DIAPH1: variants seen among roughly 807,000 people sequenced by gnomAD.
The protein encoded by DIAPH1 is protein diaphanous homolog 1.
In DIAPH1, 46 loss-of-function variants were observed where a neutral mutation model predicts 140.7. That is an observed-to-expected ratio of 0.33 (90% CI 0.26 to 0.42). DIAPH1 has a LOEUF of 0.42. DIAPH1 is among the 10% of genes least tolerant of loss of function. The probability of loss-of-function intolerance (pLI) is 1.00; values close to 1 mark genes in which losing one functional copy is unlikely to be tolerated. For synonymous variants in DIAPH1, 565 were observed against 551.6 expected (o/e 1.02, Z -0.34); for missense variants, 1,310 against 1,558.7 (o/e 0.84, Z 2.69).
chr5:141,531,026 T>C (rs943668633), intron 19 of DIAPH1, among the ~76,000 whole-genome samples: 3 of 152,214 alleles, frequency 2.0e-5, no homozygotes, highest in African/African-American at 2.4e-5. Context: ...TTTCACTTTA[T>C]AGCAATCTAA....
At chr5:141,573,371 C>T in intron 16 of DIAPH1, 121 bp downstream of exon 16, 1 of 1,246,024 alleles carries the variant, frequency 8.0e-7, no homozygotes, top group Non-Finnish European at 1.1e-6. Flanking sequence ...GGAGGCGGAG[C>T]TTGCAGTGAG....
intron 18 of DIAPH1, among the ~76,000 whole-genome samples, chr5:141,566,573 T>G (rs970484660): frequency 3.3e-4 from 50 of 152,252 alleles, no homozygotes; most frequent in African/African-American, 1.1e-3. Flanking sequence ...CCAAGCCCAC[T>G]GGGGTGAGGT....
At chr5:141,615,604 G>T (rs565387876) in intron 1 of DIAPH1, among the ~76,000 whole-genome samples, 1 of 151,990 alleles carries the variant, frequency 6.6e-6, no homozygotes, top group Non-Finnish European at 1.5e-5. Flanking sequence ...TTAGCCAGGC[G>T]TGGTGGCAGG....
intron 18 of DIAPH1, among the ~76,000 whole-genome samples, chr5:141,551,219 G>A (rs2099891635): frequency 6.6e-6 from 1 of 152,206 alleles, no homozygotes; most frequent in Admixed American, 6.5e-5. Context: ...GAAGGCCAAG[G>A]AGGAAGGATC....
intron 26 of DIAPH1, 200 bp from the exon 27 acceptor site, chr5:141,524,429 A>G (rs2099886995): frequency 1.6e-6 from 1 of 633,994 alleles, no homozygotes; most frequent in African/African-American, 1.8e-5. Flanking sequence ...TGGTTAAAAC[A>G]AAAGATCTCA....
At chr5:141,583,399 G>A in intron 5 of DIAPH1, 86 bp downstream of exon 5, 1 of 1,608,394 alleles carries the variant, frequency 6.2e-7, no homozygotes, top group African/African-American at 1.3e-5. Flanking sequence ...CTATTCTCAT[G>A]CTTCCCTGGC....
At chr5:141,615,464 G>A (rs1205971441) in intron 1 of DIAPH1, among the ~76,000 whole-genome samples, 10 of 144,924 alleles carry the variant, frequency 6.9e-5, no homozygotes, top group South Asian at 2.2e-4. Context: ...AAAAAGGGCC[G>A]CACGCGGTGG....
rs1040623975 is a variant in DIAPH1 at position 141,515,141 on chromosome 5, C to T, written c.*1710G>A. ...CATTTTGTCCCTCACACCTCTCTCT[C>T]TCTCTCTTTTTTTTTATTAAATGCA... On this transcript the variant is annotated 3_prime_UTR_variant, in exon 28 of 28. Transcript: ENST00000389054. The T allele has an allele frequency of 1.3e-5, 2 of 152,594 alleles. No individual in the cohort carries two copies. The highest frequency in any genetic ancestry group is 2.4e-5 in the African/African-American group (1 of 41,430). 9.5% of individuals were successfully genotyped at this position (152,594 alleles called of 1,614,324 possible). A position where few individuals can be genotyped will look rare whatever the true frequency, so the allele number is the denominator to read the frequency against.
At chr5:141,592,922 CCTT>C (rs2099898719) in intron 1 of DIAPH1, among the ~76,000 whole-genome samples, 1 of 152,136 alleles carries the variant, frequency 6.6e-6, no homozygotes. Context: ...TAATTTCTCT[CCTT>C]CTTGAAACCT....
intron 18 of DIAPH1, among the ~76,000 whole-genome samples, chr5:141,569,269 G>C (rs962006094): frequency 1.3e-5 from 2 of 152,022 alleles, no homozygotes; most frequent in Non-Finnish European, 2.9e-5. Flanking sequence ...ATACAGTTTG[G>C]AAAAAGTTAT....
At chr5:141,590,149 C>T (rs1161476063) in intron 1 of DIAPH1, among the ~76,000 whole-genome samples, 1 of 152,176 alleles carries the variant, frequency 6.6e-6, no homozygotes, top group Non-Finnish European at 1.5e-5. Context: ...GAAAAATCTA[C>T]ATTATTATGT....
chr5:141,549,508 A>G (rs182744110), intron 18 of DIAPH1, among the ~76,000 whole-genome samples: 22 of 152,312 alleles, frequency 1.4e-4, no homozygotes, highest in African/African-American at 5.3e-4. Flanking sequence ...CTTGGAAAGG[A>G]CGTAGAAAAT....
At chr5:141,612,469 CA>C (rs1296709101) in intron 1 of DIAPH1, among the ~76,000 whole-genome samples, 1 of 152,084 alleles carries the variant, frequency 6.6e-6, no homozygotes, top group Admixed American at 6.5e-5. Context: ...TAGTACTCAG[CA>C]ATATAAAGGA....
chr5:141,540,264 G>A (rs2099889773), intron 18 of DIAPH1, among the ~76,000 whole-genome samples: 4 of 151,178 alleles, frequency 2.6e-5, no homozygotes, highest in Admixed American at 2.6e-4. Flanking sequence ...GGGATTACAG[G>A]CACATGACAC....
Position 141,541,607 on chromosome 5 carries a change from C to T in DIAPH1, c.2483-7174G>A, listed in dbSNP as rs192561937. ...GGCTGAGGCATAAGAATCGCTTGAA[C>T]CCGGGAGGCGGAGGTTCTAGTGAGC... On this transcript the variant is annotated intron_variant, in intron 18 of 27. Coordinates refer to ENST00000389054, the MANE Select transcript of DIAPH1 (RefSeq NM_005219.5). Among the ~76,000 whole-genome samples the T allele has an allele frequency of 2.2e-4, 33 of 150,944 alleles. No individual in the cohort carries two copies. In the East Asian group the frequency reaches 6.0e-3, roughly 28 times the overall value.
At position 141,588,396 on chromosome 5, in the gene DIAPH1, A is replaced by G; in HGVS notation, c.118-146T>C. 5.6e-6 allele frequency: 4 copies of G among 710,656 alleles called. No homozygotes were observed. The South Asian group carries it at 6.0e-5, about 11-fold the overall frequency. 44.0% of individuals were successfully genotyped at this position (710,656 alleles called of 1,614,324 possible). A position where few individuals can be genotyped will look rare whatever the true frequency, so the allele number is the denominator to read the frequency against. On this transcript the variant is annotated intron_variant, in intron 1 of 27. Transcript: ENST00000389054. ...TTTCTGCAAGCTAATGATTTCTGTC[A>G]AAGTATTCCTTAGCACATTCCCTCA...
intron 1 of DIAPH1, among the ~76,000 whole-genome samples, chr5:141,610,327 A>G (rs2099901625): frequency 6.6e-6 from 1 of 150,998 alleles, no homozygotes; most frequent in Non-Finnish European, 1.5e-5. Context: ...TTTTTGAGAC[A>G]GTCTCACTCT....
intron 18 of DIAPH1, among the ~76,000 whole-genome samples, chr5:141,549,176 GAC>G (rs1300999481): frequency 6.6e-6 from 1 of 152,014 alleles, no homozygotes; most frequent in Non-Finnish European, 1.5e-5. Context: ...CTTAAATAAA[GAC>G]ACAGATATAT....
intron 18 of DIAPH1, among the ~76,000 whole-genome samples, chr5:141,570,505 A>G (rs2099895013): frequency 6.6e-5 from 10 of 152,176 alleles, no homozygotes; most frequent in Admixed American, 4.6e-4. Context: ...CTAGATACAC[A>G]CACACACATA....
Sources: gnomAD v4.1 joint callset for allele counts (sites outside exome capture counted in the v4.1 genomes callset) on GRCh38, gnomAD v4.1.1 for gene constraint, MANE v1.5 for transcripts, NCBI Gene and HGNC (gene_info 2026-07-23, HGNC 2026-07-21) for gene names.